Variants in IMPG1 observed in about 807,000 individuals in gnomAD.
The protein encoded by IMPG1 is interphotoreceptor matrix proteoglycan of 150 kDa.
A neutral mutation model predicts 92.0 loss-of-function variants in IMPG1; 85 were observed. That is an observed-to-expected ratio of 0.92 (90% CI 0.78 to 1.11). IMPG1 has a LOEUF of 1.11. Among genes scored for constraint, IMPG1 ranks in the 50% least tolerant of loss-of-function variants. The probability of loss-of-function intolerance (pLI) is 0.00; values close to 1 mark genes in which losing one functional copy is unlikely to be tolerated. For synonymous variants in IMPG1, 367 were observed against 334.1 expected (o/e 1.10, Z -1.08); for missense variants, 1,022 against 956.0 (o/e 1.07, Z -0.91).
At chr6:76,023,358 G>C (rs559625714) in intron 5 of IMPG1, among the ~76,000 whole-genome samples, 3 of 152,218 alleles carry the variant, frequency 2.0e-5, no homozygotes, top group African/African-American at 7.2e-5. Context: ...ATCGGTTTAT[G>C]CTACAATTTT....
chr6:75,995,753 A>G (rs1329825753), intron 12 of IMPG1, among the ~76,000 whole-genome samples: 1 of 152,184 alleles, frequency 6.6e-6, no homozygotes, highest in Non-Finnish European at 1.5e-5. Context: ...ATCACTGACG[A>G]GCTTCAGTGG....
intron 6 of IMPG1, among the ~76,000 whole-genome samples, chr6:76,020,886 C>A (rs1783411360): frequency 6.6e-6 from 1 of 152,148 alleles, no homozygotes; most frequent in Non-Finnish European, 1.5e-5. Context: ...AGAAGAAAAT[C>A]AACTTGTTTT....
At chr6:76,046,371 T>C (rs1378450689) in intron 1 of IMPG1, among the ~76,000 whole-genome samples, 2 of 152,090 alleles carry the variant, frequency 1.3e-5, no homozygotes, top group Non-Finnish European at 2.9e-5. Context: ...TTTAAGCCAA[T>C]AGGTTTTGGA....
At chr6:75,976,756 CA>C (rs1782542962) in intron 12 of IMPG1, among the ~76,000 whole-genome samples, 1 of 151,564 alleles carries the variant, frequency 6.6e-6, no homozygotes, top group Admixed American at 6.6e-5. Flanking sequence ...CTAAAAAATA[CA>C]AAGAACTAGC....
At chr6:75,962,937 A>G (rs1306083973) in intron 12 of IMPG1, among the ~76,000 whole-genome samples, 1 of 151,994 alleles carries the variant, frequency 6.6e-6, no homozygotes, top group Non-Finnish European at 1.5e-5. Flanking sequence ...GCTACGTGGG[A>G]GGCTGAGGCA....
intron 7 of IMPG1, among the ~76,000 whole-genome samples, chr6:76,014,285 C>A (rs146656929): frequency 6.6e-6 from 1 of 152,204 alleles, no homozygotes; most frequent in African/African-American, 2.4e-5. Flanking sequence ...AGTGAGCACA[C>A]GGCATGGAGC....
intron 12 of IMPG1, among the ~76,000 whole-genome samples, chr6:75,990,346 C>A (rs1183857796): frequency 6.6e-6 from 1 of 152,058 alleles, no homozygotes; most frequent in African/African-American, 2.4e-5. Flanking sequence ...TCATTCATTG[C>A]CGTGGAAGAA....
At chr6:75,971,894 C>T (rs7451737) in intron 12 of IMPG1, among the ~76,000 whole-genome samples, 71,829 of 151,870 alleles carry the variant, frequency 0.47, 17,594 homozygotes, top group East Asian at 0.67. Flanking sequence ...TATATTTATT[C>T]CCTCATTTCT....
In IMPG1 at chr6:76,023,121, G is replaced by A. The variant is rs145917870; in HGVS notation, c.563-902C>T. On this transcript the variant is annotated intron_variant, in intron 5 of 16. Transcript: ENST00000369950. ...TGGAATTGTGCTTCCTAGTGGGGGCGTGAGAGTGGGTATCAGAATCATCTA... is the reference window on the plus strand; with the variant it reads ...TGGAATTGTGCTTCCTAGTGGGGGCATGAGAGTGGGTATCAGAATCATCTA... Among the ~76,000 whole-genome samples the A allele has an allele frequency of 1.8e-3, 278 of 152,294 alleles. 2 individuals carry two copies. Among genetic ancestry groups the A allele is most frequent in the African/African-American group, 6.2e-3 (257 of 41,562 alleles).
intron 12 of IMPG1, among the ~76,000 whole-genome samples, chr6:75,974,565 G>A (rs1782504364): frequency 6.6e-6 from 1 of 150,480 alleles, no homozygotes; most frequent in Non-Finnish European, 1.5e-5. Context: ...TGCCTCCCAG[G>A]TTCAAGCGAT....
In IMPG1 at chr6:76,072,426, G is replaced by T. The variant is rs151052458; in HGVS notation, c.63C>A (p.Thr21=). 1.0e-5 allele frequency: 16 copies of T among 1,533,410 alleles called. No individual in the cohort carries two copies. In the African/African-American group the frequency reaches 2.1e-4, roughly 20 times the overall value. The allele number at this position is 1,533,410 out of a possible 1,614,324, so 95.0% of individuals were successfully genotyped here. The change falls in exon 1 of 17, where the codon ACC becomes ACA. Residue 21 remains threonine (T), a synonymous_variant. Transcript: ENST00000369950. Reference sequence around the variant, plus strand: ...GTAAACATTTAAGTAACTTACCTTTGGTTCCTTGAACTTGGAGAAAAATCC... The same window carrying T: ...GTAAACATTTAAGTAACTTACCTTTTGTTCCTTGAACTTGGAGAAAAATCC... ...VFWIFLQVQG[T]KDISINIYHS...
At chr6:75,933,550 A>G (rs936532197) in intron 14 of IMPG1, among the ~76,000 whole-genome samples, 18 of 152,166 alleles carry the variant, frequency 1.2e-4, no homozygotes, top group African/African-American at 4.1e-4. Context: ...GAGACAGTCC[A>G]GGGCACTTGA....
At chr6:75,929,247 A>G (rs981923481) in intron 15 of IMPG1, among the ~76,000 whole-genome samples, 1 of 152,150 alleles carries the variant, frequency 6.6e-6, no homozygotes, top group Non-Finnish European at 1.5e-5. Context: ...GCTTTCCTCC[A>G]TATTCCCACA....
At chr6:76,025,756 T>G (rs1783515971) in intron 4 of IMPG1, among the ~76,000 whole-genome samples, 1 of 152,136 alleles carries the variant, frequency 6.6e-6, no homozygotes, top group Non-Finnish European at 1.5e-5. Context: ...ATTTACTAAA[T>G]CTGTATTCTG....
At chr6:75,935,221 G>C (rs1163615949) in intron 14 of IMPG1, among the ~76,000 whole-genome samples, 1 of 152,226 alleles carries the variant, frequency 6.6e-6, no homozygotes, top group Non-Finnish European at 1.5e-5. Context: ...AGGTCTGCAA[G>C]GGATTCACGC....
At chr6:76,034,435 T>C (rs1783700496) in intron 3 of IMPG1, 92 bp from the exon 4 acceptor site, 1 of 1,305,138 alleles carries the variant, frequency 7.7e-7, no homozygotes, top group Non-Finnish European at 1.1e-6. Context: ...TCCCTTAACC[T>C]ACACTTCAAC....
intron 6 of IMPG1, among the ~76,000 whole-genome samples, chr6:76,020,241 T>C (rs752503775): frequency 1.3e-5 from 2 of 152,006 alleles, no homozygotes; most frequent in Non-Finnish European, 2.9e-5. Flanking sequence ...TTTGTGAAGA[T>C]GGGGTCTCCC....
chr6:76,012,035 G>A (rs992611147), intron 7 of IMPG1, among the ~76,000 whole-genome samples: 2 of 150,928 alleles, frequency 1.3e-5, no homozygotes, highest in African/African-American at 5.0e-5. Flanking sequence ...GATATGGTTT[G>A]GAAATTATCT....
intron 12 of IMPG1, among the ~76,000 whole-genome samples, chr6:75,966,510 C>T (rs1321227215): frequency 1.3e-5 from 2 of 152,166 alleles, no homozygotes; most frequent in Admixed American, 1.3e-4. Flanking sequence ...TGAAATTATG[C>T]AGCCCAAAGG....
Sources: allele counts gnomAD v4.1 joint callset (sites outside exome capture counted in the v4.1 genomes callset), GRCh38; gene constraint gnomAD v4.1.1; transcripts MANE v1.5; gene names NCBI Gene and HGNC (gene_info 2026-07-23, HGNC 2026-07-21).